The following SRGAP3 variants were observed in gnomAD, a reference collection of about 807,000 sequenced individuals.
SRGAP3 encodes the protein SLIT-ROBO Rho GTPase activating protein 3, also known as SLIT-ROBO Rho GTPase-activating protein 3.
SRGAP3 carries 39 observed loss-of-function variants against 121.1 expected under a neutral mutation model. That is an observed-to-expected ratio of 0.32 (90% confidence interval 0.25 to 0.42). The LOEUF (loss-of-function observed/expected upper bound fraction) is 0.42, where lower values mean the gene tolerates loss of function less well. Among genes scored for constraint, SRGAP3 ranks in the 10% least tolerant of loss-of-function variants. The pLI is 1.00. For synonymous variants in SRGAP3, 601 were observed against 570.0 expected (o/e 1.05, Z -0.77); for missense variants, 1,213 against 1,470.6 (o/e 0.82, Z 2.86).
At chr3:9,093,871 G>T (rs910743562) in intron 3 of SRGAP3, among the ~76,000 whole-genome samples, 2 of 152,098 alleles carry the variant, frequency 1.3e-5, no homozygotes, top group South Asian at 2.1e-4. Flanking sequence ...GACACCCAAA[G>T]GCTTCCTTGA....
At chr3:9,324,891 A>C (rs2125283780) in intron 3 of SRGAP3, among the ~76,000 whole-genome samples, 1 of 151,552 alleles carries the variant, frequency 6.6e-6, no homozygotes, top group African/African-American at 2.4e-5. Context: ...CGGGAGGCGG[A>C]GCTTGCAGTG....
chr3:9,360,909 T>C (rs536281787), intron 1 of SRGAP3, among the ~76,000 whole-genome samples: 23 of 152,340 alleles, frequency 1.5e-4, no homozygotes, highest in Middle Eastern at 3.4e-3. Flanking sequence ...AATGTATAAG[T>C]GCTCCATTGC....
At chr3:9,161,715 C>T (rs886825101) in intron 1 of SRGAP3, among the ~76,000 whole-genome samples, 1 of 152,196 alleles carries the variant, frequency 6.6e-6, no homozygotes, top group African/African-American at 2.4e-5. Flanking sequence ...TGCTAGATGT[C>T]GAATCCAAAG....
rs538976112 is a variant in SRGAP3 at position 9,328,739 on chromosome 3, C to A, written n.283+1789G>T. 5.9e-5 allele frequency among the ~76,000 whole-genome samples: 9 copies of A among 152,302 alleles called. No homozygotes were observed. In the South Asian group the frequency reaches 6.2e-4, roughly 11 times the overall value. ...ACTTCCCAACCAGGGACTCCAACCC[C>A]AACCACCAGTGTGAAAGGGCAGAAC... On this transcript the variant is annotated intron_variant and non_coding_transcript_variant, in intron 2 of 3. Transcript: ENST00000490889.
chr3:9,159,632 C>G (rs1164989731), intron 1 of SRGAP3, among the ~76,000 whole-genome samples: 1 of 146,640 alleles, frequency 6.8e-6, no homozygotes, highest in African/African-American at 2.4e-5. Flanking sequence ...ATATAACAAA[C>G]CTGCACGTAT....
chr3:9,297,662 G>A (rs1287085594), intron 3 of SRGAP3, among the ~76,000 whole-genome samples: 6 of 152,094 alleles, frequency 3.9e-5, no homozygotes, highest in African/African-American at 9.7e-5. Context: ...TTGGGAGCCC[G>A]AGGCAGATGG....
intron 1 of SRGAP3, among the ~76,000 whole-genome samples, chr3:9,339,710 G>A (rs1025003737): frequency 3.3e-5 from 5 of 152,180 alleles, no homozygotes; most frequent in African/African-American, 1.2e-4. Context: ...AACCCTGGGT[G>A]GGCCAAATAA....
At chr3:9,062,002 C>T (rs1248989676) in intron 5 of SRGAP3, among the ~76,000 whole-genome samples, 1 of 152,312 alleles carries the variant, frequency 6.6e-6, no homozygotes, top group Non-Finnish European at 1.5e-5. Context: ...ACAGTGAGTT[C>T]TCATCCTTTT....
intron 3 of SRGAP3, among the ~76,000 whole-genome samples, chr3:9,083,730 G>A (rs910066867): frequency 5.9e-5 from 9 of 152,164 alleles, no homozygotes; most frequent in East Asian, 1.9e-4. Context: ...CCCCATCCTA[G>A]AGGCAGTTCT....
chr3:8,995,025 A>T (rs1241720012), intron 18 of SRGAP3, among the ~76,000 whole-genome samples: 1 of 152,178 alleles, frequency 6.6e-6, no homozygotes, highest in Non-Finnish European at 1.5e-5. Flanking sequence ...GCTCATTGTT[A>T]AGGACTGAAC....
At chr3:9,178,501 A>G (rs1216959224) in intron 1 of SRGAP3, among the ~76,000 whole-genome samples, 1 of 152,238 alleles carries the variant, frequency 6.6e-6, no homozygotes, top group Non-Finnish European at 1.5e-5. Context: ...GCCTGATTCC[A>G]GCCAGTCTGA....
chr3:8,995,000 C>T (rs1280845031), intron 18 of SRGAP3, among the ~76,000 whole-genome samples: 2 of 152,128 alleles, frequency 1.3e-5, no homozygotes, highest in Non-Finnish European at 2.9e-5. Context: ...TTTAAGGGTA[C>T]CCAGACCCTT....
At position 8,981,302 on chromosome 3, in the gene SRGAP3, G is replaced by A. The variant is rs969159948; in HGVS notation, c.*4217C>T. 2.1e-5 allele frequency: 5 copies of A among 232,872 alleles called. No individual in the cohort carries two copies. Among genetic ancestry groups the A allele is most frequent in the South Asian group, 1.8e-4 (1 of 5,518 alleles). The allele number at this position is 232,872 out of a possible 1,614,324, so 14.4% of individuals were successfully genotyped here. A position where few individuals can be genotyped will look rare whatever the true frequency, so the allele number is the denominator to read the frequency against. ...CAGAAAATCAGCTAGGCAACACCTC[G>A]GCTCACCCCTTTCTGCCTTTCCTCC... On this transcript the variant is annotated 3_prime_UTR_variant, in exon 22 of 22. Coordinates refer to ENST00000383836, the MANE Select transcript of SRGAP3 (RefSeq NM_014850.4).
intron 18 of SRGAP3, among the ~76,000 whole-genome samples, chr3:9,010,020 A>T (rs1574899989): frequency 6.6e-6 from 1 of 152,172 alleles, no homozygotes; most frequent in African/African-American, 2.4e-5. Flanking sequence ...CATGTCTCTT[A>T]GGATTTGTAC....
Position 8,985,705 on chromosome 3 carries a change from G to C in SRGAP3, c.3114C>G (p.Thr1038=). 6.3e-7 allele frequency: 1 copy of C among 1,598,080 alleles called. No individual in the cohort carries two copies. Among genetic ancestry groups the C allele is most frequent in the African/African-American group, 1.3e-5 (1 of 74,974 alleles). Residue 1038 remains threonine (T), a synonymous_variant, in exon 22 of 22, where the codon ACC becomes ACG. Coordinates refer to ENST00000383836, the MANE Select transcript of SRGAP3 (RefSeq NM_014850.4). This position sits in a 1 kb window ranked among gnomAD's most constrained non-coding sequence, Gnocchi z 5.1. ...GGCGGGCGGACAGGGCTGGCTTGAA[G>C]GTGGTCATCATCTCGGTGGAGGAGC... ...SSSSSTEMMT[T]FKPALSARLA...
intron 1 of SRGAP3, among the ~76,000 whole-genome samples, chr3:9,138,400 A>G (rs1288238619): frequency 6.6e-6 from 1 of 152,348 alleles, no homozygotes; most frequent in South Asian, 2.1e-4. Context: ...TGATTTTTTA[A>G]TATAAAAGGA....
chr3:9,131,280 T>C (rs539042631), intron 1 of SRGAP3, among the ~76,000 whole-genome samples: 5 of 151,822 alleles, frequency 3.3e-5, no homozygotes, highest in Non-Finnish European at 5.9e-5. Flanking sequence ...GCAGAAAAAT[T>C]AAAAGGGGGA....
chr3:9,353,143 G>A (rs977972053), intron 1 of SRGAP3, among the ~76,000 whole-genome samples: 8 of 152,230 alleles, frequency 5.3e-5, no homozygotes, highest in Non-Finnish European at 1.0e-4. Context: ...GCTTCCTGCA[G>A]CTGCCCCTTT....
At chr3:9,243,372 C>T (rs890979898) in intron 1 of SRGAP3, among the ~76,000 whole-genome samples, 1 of 151,996 alleles carries the variant, frequency 6.6e-6, no homozygotes, top group African/African-American at 2.4e-5. Context: ...TGGTGGCTCA[C>T]GTCTGTAATC....
Sources: allele counts gnomAD v4.1 joint callset (sites outside exome capture counted in the v4.1 genomes callset), GRCh38; gene constraint gnomAD v4.1.1; non-coding constraint Gnocchi (gnomAD v3.1); transcripts MANE v1.5; gene names NCBI Gene and HGNC (gene_info 2026-07-23, HGNC 2026-07-21).